ANTXR1: variants seen among roughly 807,000 people sequenced by gnomAD.
The protein encoded by ANTXR1 is anthrax toxin receptor 1.
In ANTXR1, 19 loss-of-function variants were observed where a neutral mutation model predicts 78.1. The observed-to-expected ratio is 0.24, with a 90% CI of 0.17 to 0.36. The LOEUF is 0.36. ANTXR1 is among the 10% of genes least tolerant of loss of function. ANTXR1 has a pLI of 1.00. For missense variants in ANTXR1, 518 were observed against 718.6 expected (o/e 0.72, Z 3.19); for synonymous variants, 273 against 260.5 (o/e 1.05, Z -0.46).
At chr2:69,124,023 A>G (rs1672444759) in intron 11 of ANTXR1, among the ~76,000 whole-genome samples, 1 of 152,212 alleles carries the variant, frequency 6.6e-6, no homozygotes, top group African/African-American at 2.4e-5. Flanking sequence ...GCGAAATGCA[A>G]CAAAACAAGA....
intron 8 of ANTXR1, among the ~76,000 whole-genome samples, chr2:69,086,077 G>A (rs1358315100): frequency 6.6e-6 from 1 of 152,256 alleles, no homozygotes; most frequent in Admixed American, 6.5e-5. Flanking sequence ...TACCATCAAG[G>A]GATAAAAGAG....
At position 69,220,082 on chromosome 2, in the gene ANTXR1, A is replaced by C. The variant is rs574085835; in HGVS notation, c.1435-25143A>C. 1.5e-3 allele frequency among the ~76,000 whole-genome samples: 222 copies of C among 152,344 alleles called. 1 individual carries two copies. The highest frequency in any genetic ancestry group is 1.9e-3 in the Non-Finnish European group (129 of 68,030). On this transcript the variant is annotated intron_variant, in intron 17 of 17. Transcript: ENST00000303714. ...AGCAATGGGTGGCCAAGTAACTTGA[A>C]GTCTATTTTAGTTACCATTTTTGTT...
At chr2:69,103,094 A>G in intron 10 of ANTXR1, 154 bp downstream of exon 10, 1 of 820,726 alleles carries the variant, frequency 1.2e-6, no homozygotes, top group Non-Finnish European at 2.0e-6. Context: ...GTGAGCCCTT[A>G]CAGTGGTTCC....
chr2:69,233,008 C>T (rs1235418901), intron 17 of ANTXR1, among the ~76,000 whole-genome samples: 2 of 152,066 alleles, frequency 1.3e-5, no homozygotes, highest in Non-Finnish European at 2.9e-5. Context: ...TATGCAAATG[C>T]TTCTAAAATC....
intron 1 of ANTXR1, among the ~76,000 whole-genome samples, chr2:69,022,869 T>A (rs139668846): frequency 6.6e-6 from 1 of 152,218 alleles, no homozygotes; most frequent in African/African-American, 2.4e-5. Flanking sequence ...ACACACAATA[T>A]GAAGGCAGAA....
At chr2:69,242,776 A>G (rs1675924331) in intron 17 of ANTXR1, among the ~76,000 whole-genome samples, 1 of 152,238 alleles carries the variant, frequency 6.6e-6, no homozygotes, top group Non-Finnish European at 1.5e-5. Flanking sequence ...CACAGATGGT[A>G]ATCATTAGGG....
At chr2:69,088,172 A>G (rs1490003785) in intron 8 of ANTXR1, among the ~76,000 whole-genome samples, 3 of 152,164 alleles carry the variant, frequency 2.0e-5, no homozygotes, top group African/African-American at 7.2e-5. Flanking sequence ...TTATTATGAC[A>G]ACCCCTGTTA....
chr2:69,118,797 G>T (rs1314511289), intron 10 of ANTXR1, among the ~76,000 whole-genome samples: 5 of 152,218 alleles, frequency 3.3e-5, no homozygotes, highest in African/African-American at 1.2e-4. Flanking sequence ...TTCCAGGAAG[G>T]AGTCAGATGA....
rs551953749 is a variant in ANTXR1 at position 69,081,590 on chromosome 2, T to C, written c.642+4102T>C. Among the ~76,000 whole-genome samples, 3 of 152,334 alleles carry C rather than the reference T, an allele frequency of 2.0e-5. No homozygotes were observed. The East Asian group carries it at 5.8e-4, about 29-fold the overall frequency. ...GACATTATCCCTTTTTCCCATATAATATTATTTCATTTAAAAATCATAACA... is the reference window on the plus strand; with the variant it reads ...GACATTATCCCTTTTTCCCATATAACATTATTTCATTTAAAAATCATAACA... On this transcript the variant is annotated intron_variant, in intron 8 of 17. Transcript: ENST00000303714.
At chr2:69,131,584 C>G (rs577199301) in intron 12 of ANTXR1, among the ~76,000 whole-genome samples, 2 of 152,294 alleles carry the variant, frequency 1.3e-5, no homozygotes, top group Admixed American at 1.3e-4. Context: ...TTTCTTGAGG[C>G]AAAACAGACC....
intron 8 of ANTXR1, among the ~76,000 whole-genome samples, chr2:69,080,152 C>T (rs984797137): frequency 6.6e-6 from 1 of 152,144 alleles, no homozygotes; most frequent in African/African-American, 2.4e-5. Context: ...TACTCGAAAC[C>T]CATGTTTATG....
chr2:69,168,926 T>C (rs1673901947), intron 13 of ANTXR1, among the ~76,000 whole-genome samples: 1 of 152,256 alleles, frequency 6.6e-6, no homozygotes, highest in African/African-American at 2.4e-5. Flanking sequence ...AATACCATAC[T>C]TTCAGAGGAC....
At chr2:69,209,747 C>T (rs1211147829) in intron 17 of ANTXR1, among the ~76,000 whole-genome samples, 1 of 152,238 alleles carries the variant, frequency 6.6e-6, no homozygotes, top group Non-Finnish European at 1.5e-5. Context: ...GTTGGAGGAA[C>T]TCAGAGGCCA....
chr2:69,031,278 T>C (rs891596503), intron 1 of ANTXR1, among the ~76,000 whole-genome samples: 3 of 152,178 alleles, frequency 2.0e-5, no homozygotes, highest in Non-Finnish European at 4.4e-5. Flanking sequence ...GCCTGGCCCT[T>C]GGTTTAAGGG....
chr2:69,110,618 G>T (rs1671946787), intron 10 of ANTXR1, among the ~76,000 whole-genome samples: 1 of 152,080 alleles, frequency 6.6e-6, no homozygotes, highest in Admixed American at 6.5e-5. Flanking sequence ...CAGCACTTTG[G>T]GAGGCGGAGG....
At chr2:69,028,241 C>T (rs1053446049) in intron 1 of ANTXR1, among the ~76,000 whole-genome samples, 7 of 152,210 alleles carry the variant, frequency 4.6e-5, no homozygotes, top group African/African-American at 1.4e-4. Context: ...AGTAGGCTCA[C>T]CAAGTGATAA....
At chr2:69,167,018 T>G (rs1446705960) in intron 13 of ANTXR1, among the ~76,000 whole-genome samples, 2 of 152,180 alleles carry the variant, frequency 1.3e-5, no homozygotes, top group Non-Finnish European at 2.9e-5. Flanking sequence ...AGGTGTTCAC[T>G]GGGGAATGTG....
chr2:69,140,756 T>C (rs1673047975), intron 12 of ANTXR1, among the ~76,000 whole-genome samples: 1 of 152,186 alleles, frequency 6.6e-6, no homozygotes. Context: ...ATTAGATTCA[T>C]TTGGATGTGG....
intron 13 of ANTXR1, among the ~76,000 whole-genome samples, chr2:69,165,477 A>G (rs965604503): frequency 2.0e-5 from 3 of 152,252 alleles, no homozygotes; most frequent in Admixed American, 6.5e-5. Flanking sequence ...GAGCCTGTCT[A>G]TACAGCTTAT....
Sources: gnomAD v4.1 joint callset for allele counts (sites outside exome capture counted in the v4.1 genomes callset) on GRCh38, gnomAD v4.1.1 for gene constraint, MANE v1.5 for transcripts, NCBI Gene and HGNC (gene_info 2026-07-23, HGNC 2026-07-21) for gene names.